Variants in NAA38 observed in about 807,000 individuals in gnomAD.
NAA38 encodes the protein N-alpha-acetyltransferase 38, NatC auxiliary subunit, also known as LSM domain containing 1.
A neutral mutation model predicts 12.6 loss-of-function variants in NAA38; 15 were observed. The observed-to-expected ratio is 1.19, with a 90% CI of 0.79 to 1.83. NAA38 has a LOEUF of 1.83. NAA38 is among the 40% of genes most tolerant of loss of function. The pLI is 0.00. For synonymous variants in NAA38, 88 were observed against 69.9 expected, an observed-to-expected ratio of 1.26 and a Z score of -1.29; for missense variants, 183 against 171.7, an observed-to-expected ratio of 1.07 and a Z score of -0.37.
At chr17:7,856,922 A>G in intron 2 of NAA38, 79 bp from the exon 3 acceptor site, 1 of 1,592,432 alleles carries the variant, frequency 6.3e-7, no homozygotes. Context: ...CGAGCCCCAG[A>G]AAACAAGGGT....
intron 2 of NAA38, among the ~76,000 whole-genome samples, chr17:7,876,439 A>G (rs1485382497): frequency 1.3e-5 from 2 of 152,128 alleles, no homozygotes; most frequent in Admixed American, 1.3e-4. Context: ...AACTCCTACT[A>G]TAACCTATCA....
chr17:7,874,917 G>A (rs905317493), intron 2 of NAA38, among the ~76,000 whole-genome samples: 32 of 147,824 alleles, frequency 2.2e-4, no homozygotes, highest in African/African-American at 7.2e-4. Flanking sequence ...AAATTAGGTC[G>A]GGTGTGGTGG....
chr17:7,872,851 A>G lies in NAA38; in HGVS notation c.-65-6293T>C, dbSNP rs1597881194. Among the ~76,000 whole-genome samples, 4 of 152,214 alleles carry G rather than the reference A, an allele frequency of 2.6e-5. No homozygotes were observed. In the East Asian group the frequency reaches 7.7e-4, roughly 29 times the overall value. On this transcript the variant is annotated intron_variant, in intron 2 of 4. Coordinates refer to the NAA38 transcript ENST00000576861. Reference sequence around the variant, plus strand: ...ATATTAAACACTTGAAGCAGTCAACAGGTATTTCCAGGGTGCCTAATGTGT... The same window carrying G: ...ATATTAAACACTTGAAGCAGTCAACGGGTATTTCCAGGGTGCCTAATGTGT...
intron 1 of NAA38, chr17:7,884,771 TGGGTGGG>T: frequency 1.3e-5 from 1 of 74,720 alleles, no homozygotes; most frequent in Non-Finnish European, 2.1e-5. Context: ...GGGCGGGCGG[TGGGTGGG>T]GGGGTGGTGG....
chr17:7,858,586 C>A (rs2078854133), upstream of NAA38: 10 of 1,607,606 alleles, frequency 6.2e-6, no homozygotes, highest in Non-Finnish European at 8.5e-6. Context: ...GACACCCTCG[C>A]CCCAAACCCT....
chr17:7,882,659 A>G (rs11078712), intron 2 of NAA38, among the ~76,000 whole-genome samples: 134,874 of 152,004 alleles, frequency 0.89, 59,904 homozygotes, highest in East Asian at 0.98. Flanking sequence ...TGTGGGAACC[A>G]AAGCAAGAGA....
intron 2 of NAA38, among the ~76,000 whole-genome samples, chr17:7,868,824 A>G (rs1452519983): frequency 6.6e-6 from 1 of 152,216 alleles, no homozygotes; most frequent in African/African-American, 2.4e-5. Context: ...ATCTGTGACT[A>G]ACATTCAGTT....
At chr17:7,856,941 G>C (rs2078822810) in intron 2 of NAA38, 74 bp downstream of exon 2, 1 of 1,587,312 alleles carries the variant, frequency 6.3e-7, no homozygotes, top group Non-Finnish European at 8.6e-7. Context: ...GTTGCAGCCA[G>C]GCCCTTAAGG....
chr17:7,861,746 G>T (rs887135980), upstream of NAA38: 2 of 152,176 alleles, frequency 1.3e-5, no homozygotes, highest in Admixed American at 1.3e-4. Context: ...TTCCTAACCT[G>T]TTCTCCCATT....
Position 7,866,412 on chromosome 17 carries a change from C to T in NAA38, c.3+79G>A, listed in dbSNP as rs561566882. On this transcript the variant is annotated intron_variant, in intron 3 of 4. Transcript: ENST00000576861. ...TGTGAGCCATTGCGCCCGGCCGCCA[C>T]GGGGAACTTTTAAAGTTCCCATGTT... 562 of 1,159,790 alleles carry T rather than the reference C, an allele frequency of 4.8e-4. 1 individual carries two copies. The highest frequency in any genetic ancestry group is 6.5e-4 in the Middle Eastern group (2 of 3,090). 71.8% of individuals were successfully genotyped at this position (1,159,790 alleles called of 1,614,324 possible). A position where few individuals can be genotyped will look rare whatever the true frequency, so the allele number is the denominator to read the frequency against.
At chr17:7,867,457 G>C (rs1207038561) in intron 2 of NAA38, among the ~76,000 whole-genome samples, 1 of 152,090 alleles carries the variant, frequency 6.6e-6, no homozygotes, top group African/African-American at 2.4e-5. Flanking sequence ...TCCTGCCTCA[G>C]CCTCCCGAGT....
In NAA38 at chr17:7,875,195, T is replaced by TAAAAC. The variant is rs1160507678; in HGVS notation, c.-66+8035_-66+8039dup. On this transcript the variant is annotated intron_variant, in intron 2 of 4. Transcript: ENST00000576861. ...GGGTGACAAAGCAAGACCCTGTCTC[T>TAAAAC]AAAACAAAACAAAACAAAACAAAAA... is the stretch of plus-strand genomic sequence containing the variant. Among the ~76,000 whole-genome samples, 10 of 152,152 alleles carry TAAAAC rather than the reference T, an allele frequency of 6.6e-5. No individual in the cohort carries two copies. The East Asian group carries it at 9.7e-4, about 15-fold the overall frequency.
upstream of NAA38, chr17:7,862,236 T>C (rs1389718833): frequency 6.6e-6 from 1 of 152,226 alleles, no homozygotes; most frequent in Non-Finnish European, 1.5e-5. Flanking sequence ...TATATTCTCA[T>C]TGCTGAGCAC....
chr17:7,870,429 TAGA>T (rs1967065798), intron 2 of NAA38, among the ~76,000 whole-genome samples: 2 of 152,182 alleles, frequency 1.3e-5, no homozygotes, highest in African/African-American at 4.8e-5. Flanking sequence ...AAGGCAGCAA[TAGA>T]AGGATGAGCA....
intron 1 of NAA38, chr17:7,885,102 TC>T (rs994749718): frequency 4.1e-5 from 39 of 953,566 alleles, no homozygotes; most frequent in South Asian, 4.8e-5. Context: ...CCGCCCCGAC[TC>T]CCCCCCCAAG....
At chr17:7,861,437 ACT>A (rs1567814466), upstream of NAA38, 1 of 151,980 alleles carries the variant, frequency 6.6e-6, no homozygotes, top group Non-Finnish European at 1.5e-5. Flanking sequence ...TCTTTAATCA[ACT>A]CTGCAATTAT....
At chr17:7,884,647 G>C (rs1330534115) in intron 1 of NAA38, among the ~76,000 whole-genome samples, 1 of 141,836 alleles carries the variant, frequency 7.1e-6, no homozygotes, top group Non-Finnish European at 1.5e-5. Context: ...GTGGCCCGGG[G>C]GTTTGGGGGG....
At chr17:7,880,562 T>G (rs1967254456) in intron 2 of NAA38, among the ~76,000 whole-genome samples, 1 of 152,186 alleles carries the variant, frequency 6.6e-6, no homozygotes, top group South Asian at 2.1e-4. Flanking sequence ...GAAGACAAAC[T>G]TCTTAGGCCT....
In NAA38 at chr17:7,857,165, C is replaced by A; in HGVS notation, c.115G>T (p.Glu39Ter). The change falls in exon 2 of 3, where the codon GAG becomes TAG. Residue 39 changes from glutamate to a stop codon, truncating the protein, a stop_gained. Coordinates refer to ENST00000575771, the MANE Select transcript of NAA38 (RefSeq NM_001320925.4). LOFTEE classifies it high-confidence loss of function. ...GCCTCTAGCTGCTGTCGGGCGCGCTCAGCCGCCGAGTCCTCGCGCTCTCCG... is the reference window on the plus strand; with the variant it reads ...GCCTCTAGCTGCTGTCGGGCGCGCTAAGCCGCCGAGTCCTCGCGCTCTCCG... ...SDGEREDSAA[E>*]RARQQLEALL... 1.2e-6 allele frequency: 2 copies of A among 1,612,904 alleles called. No individual in the cohort carries two copies. The highest frequency in any genetic ancestry group is 1.7e-6 in the Non-Finnish European group (2 of 1,179,984).
Sources: allele counts gnomAD v4.1 joint callset (sites outside exome capture counted in the v4.1 genomes callset), GRCh38; gene constraint gnomAD v4.1.1; transcripts MANE v1.5; gene names NCBI Gene and HGNC (gene_info 2026-07-23, HGNC 2026-07-21).